Variants in SYN3 observed in about 807,000 individuals in gnomAD.
The protein encoded by SYN3 is synapsin III, also known as synapsin-3.
A neutral mutation model predicts 65.8 loss-of-function variants in SYN3; 35 were observed. The ratio of observed to expected loss-of-function variants is 0.53; its 90% CI spans 0.41 to 0.70. The LOEUF (loss-of-function observed/expected upper bound fraction) is 0.70. Ranked by LOEUF, SYN3 falls within the 30% of genes least tolerant of loss-of-function variation. The probability of loss-of-function intolerance (pLI) is 0.00; values close to 1 mark genes in which losing one functional copy is unlikely to be tolerated. For missense variants in SYN3, 680 were observed against 749.0 expected (o/e 0.91, Z 1.08); for synonymous variants, 270 against 292.9 (o/e 0.92, Z 0.80).
intron 4 of SYN3, among the ~76,000 whole-genome samples, chr22:32,881,668 T>A (rs192582775): frequency 6.6e-6 from 1 of 152,354 alleles, no homozygotes; most frequent in Admixed American, 6.5e-5. Context: ...TGACACAGGA[T>A]GGAATTTTCC....
At chr22:32,769,231 T>C (rs1157365976) in intron 6 of SYN3, among the ~76,000 whole-genome samples, 2 of 113,286 alleles carry the variant, frequency 1.8e-5, no homozygotes, top group Non-Finnish European at 3.5e-5. Flanking sequence ...AAAAAGTCTA[T>C]ACCTCTGGAT....
chr22:32,944,612 C>G (rs2051047514), intron 3 of SYN3, among the ~76,000 whole-genome samples: 1 of 152,188 alleles, frequency 6.6e-6, no homozygotes, highest in Non-Finnish European at 1.5e-5. Flanking sequence ...AAACTGGAAG[C>G]ATTCCCCTTG....
intron 7 of SYN3, among the ~76,000 whole-genome samples, chr22:32,565,150 C>A (rs1025284052): frequency 1.4e-4 from 19 of 139,146 alleles, no homozygotes; most frequent in African/African-American, 4.5e-4. Context: ...TGCTCCTGGG[C>A]TGCACCCAAA....
At chr22:32,890,256 T>C (rs1354713906) in intron 4 of SYN3, among the ~76,000 whole-genome samples, 2 of 151,478 alleles carry the variant, frequency 1.3e-5, no homozygotes, top group Non-Finnish European at 2.9e-5. Flanking sequence ...TTTGTGTATC[T>C]TTTATAGAGC....
intron 6 of SYN3, among the ~76,000 whole-genome samples, chr22:32,714,433 G>A (rs1177297504): frequency 1.3e-5 from 2 of 152,154 alleles, no homozygotes; most frequent in East Asian, 1.9e-4. Context: ...ATTGCCTTGG[G>A]GAGTGGGTAG....
At chr22:32,984,074 A>C (rs548725181) in intron 2 of SYN3, among the ~76,000 whole-genome samples, 106 of 151,298 alleles carry the variant, frequency 7.0e-4, no homozygotes, top group African/African-American at 2.4e-3. Context: ...AGGCAGGAGA[A>C]TCGCTTGAAC....
chr22:32,858,696 T>C (rs2048448337), intron 6 of SYN3, among the ~76,000 whole-genome samples: 1 of 152,218 alleles, frequency 6.6e-6, no homozygotes, highest in Non-Finnish European at 1.5e-5. Context: ...TGTGTGGTTT[T>C]AATTACTATG....
At chr22:32,937,129 A>G (rs1387244011) in intron 3 of SYN3, among the ~76,000 whole-genome samples, 2 of 152,226 alleles carry the variant, frequency 1.3e-5, no homozygotes, top group Non-Finnish European at 2.9e-5. Context: ...GACCCACAAC[A>G]AGGAGAAATC....
intron 1 of SYN3, among the ~76,000 whole-genome samples, chr22:33,048,203 C>T (rs1195736204): frequency 1.3e-5 from 2 of 152,104 alleles, no homozygotes; most frequent in South Asian, 4.1e-4. Context: ...ACCTACCATA[C>T]AGCAACATTT....
At chr22:32,651,637 T>C (rs1280916470) in intron 6 of SYN3, among the ~76,000 whole-genome samples, 1 of 152,152 alleles carries the variant, frequency 6.6e-6, no homozygotes, top group Non-Finnish European at 1.5e-5. Context: ...ATACATCAAC[T>C]CAGCCACGCG....
chr22:32,840,717 G>T (rs1405205315), intron 6 of SYN3, among the ~76,000 whole-genome samples: 1 of 152,050 alleles, frequency 6.6e-6, no homozygotes, highest in Non-Finnish European at 1.5e-5. Context: ...AGTCTCTTCT[G>T]CAGGATGGGC....
At chr22:32,546,116 A>G (rs763036374) in intron 7 of SYN3, among the ~76,000 whole-genome samples, 2 of 152,014 alleles carry the variant, frequency 1.3e-5, no homozygotes, top group Non-Finnish European at 2.9e-5. Context: ...TTCTTTACAG[A>G]GGGTCTCCCA....
chr22:32,585,747 T>G (rs891313792), intron 7 of SYN3, among the ~76,000 whole-genome samples: 1 of 152,170 alleles, frequency 6.6e-6, no homozygotes, highest in African/African-American at 2.4e-5. Flanking sequence ...AGAAGCAGGA[T>G]GACTGTTTCA....
At chr22:32,623,818 G>A (rs2059628335) in intron 6 of SYN3, among the ~76,000 whole-genome samples, 1 of 152,210 alleles carries the variant, frequency 6.6e-6, no homozygotes, top group South Asian at 2.1e-4. Flanking sequence ...CCAGGGTGGG[G>A]TGGCTGAACT....
At chr22:32,957,963 G>A (rs544763537) in intron 3 of SYN3, among the ~76,000 whole-genome samples, 3 of 152,270 alleles carry the variant, frequency 2.0e-5, no homozygotes, top group African/African-American at 7.2e-5. Flanking sequence ...GGGACTGCAA[G>A]GGACAGTGTC....
chr22:32,955,960 T>C (rs1055337671), intron 3 of SYN3, among the ~76,000 whole-genome samples: 2 of 151,698 alleles, frequency 1.3e-5, no homozygotes, highest in Admixed American at 1.3e-4. Flanking sequence ...GGACTCAGAC[T>C]GGCTTACTTG....
At position 32,864,502 on chromosome 22, in the gene SYN3, A is replaced by G. The variant is rs1044787228; in HGVS notation, c.711+413T>C. On this transcript the variant is annotated intron_variant, in intron 6 of 13. Transcript: ENST00000358763. ...TAAGGAAACTGCCCTTCAACAACCA[A>G]TGCAAATCAAATATTAATATTACTG... is the stretch of plus-strand genomic sequence containing the variant. 7 of 162,676 alleles carry G rather than the reference A, an allele frequency of 4.3e-5. No individual in the cohort carries two copies. In the South Asian group the frequency reaches 8.4e-4, roughly 19 times the overall value. The allele number at this position is 162,676 out of a possible 1,614,324, so 10.1% of individuals were successfully genotyped here.
intron 6 of SYN3, among the ~76,000 whole-genome samples, chr22:32,683,239 G>A (rs1403434147): frequency 6.6e-6 from 1 of 152,080 alleles, no homozygotes; most frequent in African/African-American, 2.4e-5. Flanking sequence ...GGAGGGGAGC[G>A]GGGTGGGGGG....
At chr22:32,969,207 C>G (rs149953082) in intron 3 of SYN3, among the ~76,000 whole-genome samples, 120 of 152,290 alleles carry the variant, frequency 7.9e-4, no homozygotes, top group Middle Eastern at 3.4e-3. Context: ...TCCTTCTCAT[C>G]TCCAGTGCAG....
Sources: allele counts gnomAD v4.1 joint callset (sites outside exome capture counted in the v4.1 genomes callset), GRCh38; gene constraint gnomAD v4.1.1; transcripts MANE v1.5; gene names NCBI Gene and HGNC (gene_info 2026-07-23, HGNC 2026-07-21).